Variants in PKD2L1 observed in about 807,000 individuals in gnomAD.
The protein encoded by PKD2L1 is polycystin 2 like 1, transient receptor potential cation channel, also known as polycystin-2-like protein 1.
PKD2L1 carries 77 observed loss-of-function variants against 93.0 expected under a neutral mutation model. The ratio of observed to expected loss-of-function variants is 0.83; its 90% CI spans 0.69 to 1.00. The LOEUF (loss-of-function observed/expected upper bound fraction) is 1.00, where lower values mean the gene tolerates loss of function less well. PKD2L1 is among the 50% of genes least tolerant of loss of function. The pLI, the probability that PKD2L1 is intolerant of heterozygous loss-of-function variation, is 0.00. For synonymous variants in PKD2L1, 390 were observed against 388.0 expected (o/e 1.01, Z -0.06); for missense variants, 977 against 990.9 (o/e 0.99, Z 0.19).
chr10:100,295,022 A>G lies in PKD2L1; in HGVS notation c.1458T>C (p.Ile486=), dbSNP rs1848493575. ...CGAGTTGGGCATAGGCGAAGAAAAC[A>G]ATGAAGAACATGACGGCGAAGCCCA... ...DILGFAVMFF[I]VFFAYAQLGY... Residue 486 remains isoleucine, a synonymous_variant, in exon 8 of 16, where the codon ATT becomes ATC. Transcript: ENST00000318222. 2 of 1,614,190 alleles carry G rather than the reference A, an allele frequency of 1.2e-6. No individual in the cohort carries two copies. The highest frequency in any genetic ancestry group is 1.7e-6 in the Non-Finnish European group (2 of 1,180,020).
rs1002653074 is a variant in PKD2L1 at position 100,329,929 on chromosome 10, C to T, written c.175G>A (p.Glu59Lys). The change falls in exon 1 of 16, where the codon GAG becomes AAG. Residue 59 changes from glutamate to lysine, a missense_variant. Glu to Lys is a moderately conservative substitution (Grantham distance 56, BLOSUM62 1). Coordinates refer to ENST00000318222, the MANE Select transcript of PKD2L1 (RefSeq NM_016112.3). ...QPKKPEDEPQ[E>K]TAYRTQVSSC... ...GACACCTGGGTCCTGTATGCCGTCT[C>T]CTGGGGTTCATCTTCAGGCTTCTTG... The T allele has an allele frequency of 1.2e-6, 2 of 1,613,896 alleles. No homozygotes were observed. Among genetic ancestry groups the T allele is most frequent in the African/African-American group, 2.7e-5 (2 of 74,904 alleles).
rs959719132 is a variant in PKD2L1, at chr10:100,299,772, A to C, written c.350-54T>G. The C allele has an allele frequency of 9.6e-6, 15 of 1,558,876 alleles. No homozygotes were observed. In the Admixed American group the frequency reaches 2.5e-4, roughly 26 times the overall value. ...TTCTCACTGTTCCCCCAGAGGAGACAGGAAAGCCTATTGCCCTGGAGTCAG... is the reference window on the plus strand; with the variant it reads ...TTCTCACTGTTCCCCCAGAGGAGACCGGAAAGCCTATTGCCCTGGAGTCAG... On this transcript the variant is annotated intron_variant, in intron 2 of 15. Coordinates refer to ENST00000318222, the MANE Select transcript of PKD2L1 (RefSeq NM_016112.3).
intron 2 of PKD2L1, among the ~76,000 whole-genome samples, chr10:100,325,799 A>G (rs998522657): frequency 5.3e-5 from 8 of 152,208 alleles, no homozygotes; most frequent in Non-Finnish European, 1.0e-4. Context: ...GGCACTATTT[A>G]CCATGTGCCA....
chr10:100,329,687 G>A lies in PKD2L1; in HGVS notation c.235+182C>T, dbSNP rs146671650. 2.0e-3 allele frequency among the ~76,000 whole-genome samples: 303 copies of A among 152,236 alleles called. 3 individuals carry two copies. The highest frequency in any genetic ancestry group is 7.1e-3 in the African/African-American group (296 of 41,542). ...GCCAGGCTCCCACAACCGGTAGACC[G>A]CTCAGCTGGCCTCTGTGTTCTGGGT... On this transcript the variant is annotated intron_variant, in intron 1 of 15. Coordinates refer to ENST00000318222, the MANE Select transcript of PKD2L1 (RefSeq NM_016112.3).
intron 2 of PKD2L1, among the ~76,000 whole-genome samples, chr10:100,325,851 A>C (rs188591426): frequency 6.6e-6 from 1 of 152,312 alleles, no homozygotes; most frequent in East Asian, 1.9e-4. Flanking sequence ...TATTTTATTT[A>C]ACCTGCTTAA....
intron 2 of PKD2L1, among the ~76,000 whole-genome samples, chr10:100,319,213 C>A (rs963941526): frequency 1.1e-4 from 16 of 152,180 alleles, no homozygotes; most frequent in African/African-American, 3.9e-4. Flanking sequence ...TTATTGAAAG[C>A]CTATTATACT....
At chr10:100,294,280 C>T (rs557029854) in intron 9 of PKD2L1, among the ~76,000 whole-genome samples, 27 of 152,186 alleles carry the variant, frequency 1.8e-4, no homozygotes, top group Non-Finnish European at 1.6e-4. Flanking sequence ...CTTTTCTCCC[C>T]ATTTCCATCC....
At chr10:100,300,098 C>T (rs540421124) in intron 2 of PKD2L1, among the ~76,000 whole-genome samples, 7 of 152,344 alleles carry the variant, frequency 4.6e-5, no homozygotes, top group Admixed American at 1.3e-4. Context: ...TTGTCTGCTT[C>T]CAAAAGGTAG....
chr10:100,312,781 A>G (rs1848963044), intron 2 of PKD2L1, among the ~76,000 whole-genome samples: 1 of 151,942 alleles, frequency 6.6e-6, no homozygotes, highest in Non-Finnish European at 1.5e-5. Flanking sequence ...TTGCATAAAG[A>G]GTTTACGAAG....
intron 2 of PKD2L1, among the ~76,000 whole-genome samples, chr10:100,303,191 G>GTTTTTTTTTTTTTTTTTTT (rs146131470): frequency 7.8e-6 from 1 of 128,984 alleles, no homozygotes. Flanking sequence ...ACATCAAACT[G>GTTTTTTTTTTTTTTTTTTT]TTTTTTTGTT....
At chr10:100,300,194 T>G (rs1399958906) in intron 2 of PKD2L1, among the ~76,000 whole-genome samples, 1 of 152,192 alleles carries the variant, frequency 6.6e-6, no homozygotes, top group Non-Finnish European at 1.5e-5. Flanking sequence ...AATAGAGATG[T>G]GGTCTCATGG....
chr10:100,327,880 C>T (rs1354894254), intron 2 of PKD2L1, among the ~76,000 whole-genome samples: 1 of 152,166 alleles, frequency 6.6e-6, no homozygotes, highest in Non-Finnish European at 1.5e-5. Context: ...TAGAGCACAG[C>T]CAGAACAAAG....
chr10:100,327,001 C>T (rs1849394315), intron 2 of PKD2L1, among the ~76,000 whole-genome samples: 1 of 152,182 alleles, frequency 6.6e-6, no homozygotes, highest in Non-Finnish European at 1.5e-5. Flanking sequence ...AAGGTTGTCA[C>T]TTCAGAGAGT....
In PKD2L1 at chr10:100,297,417, G is replaced by C; in HGVS notation, c.921C>G (p.Val307=). ...AGAAAAGATTGATATTGGCATTGTA[G>C]ACTGAGAAGTCGATGAACACCACTC... The part of the protein sequence containing the change: ...GTRVVFIDFS[V]YNANINLFCV... The change falls in exon 5 of 16, where the codon GTC becomes GTG. Residue 307 remains valine (V), a synonymous_variant. Transcript: ENST00000318222. 3 of 1,614,022 alleles carry C rather than the reference G, an allele frequency of 1.9e-6. No homozygotes were observed. Among genetic ancestry groups the C allele is most frequent in the Non-Finnish European group, 2.5e-6 (3 of 1,179,934 alleles).
At chr10:100,300,888 T>G (rs1848659621) in intron 2 of PKD2L1, among the ~76,000 whole-genome samples, 1 of 151,982 alleles carries the variant, frequency 6.6e-6, no homozygotes, top group South Asian at 2.1e-4. Flanking sequence ...CAGGATGGAG[T>G]GCAATGGCAC....
At chr10:100,317,498 C>A (rs1413970736) in intron 2 of PKD2L1, among the ~76,000 whole-genome samples, 1 of 152,132 alleles carries the variant, frequency 6.6e-6, no homozygotes, top group African/African-American at 2.4e-5. Context: ...CTGATCACAG[C>A]ACTGTACTCA....
At chr10:100,299,472 G>T in intron 3 of PKD2L1, 119 bp downstream of exon 3, 1 of 913,808 alleles carries the variant, frequency 1.1e-6, no homozygotes, top group Non-Finnish European at 1.7e-6. Context: ...CTGGCCCTTT[G>T]ACTCAGTCTG....
chr10:100,295,518 G>A (rs2134380347), intron 7 of PKD2L1, among the ~76,000 whole-genome samples: 1 of 151,000 alleles, frequency 6.6e-6, no homozygotes, highest in African/African-American at 2.4e-5. Context: ...GATGGCTCAA[G>A]GTCAGGAGTT....
intron 2 of PKD2L1, among the ~76,000 whole-genome samples, chr10:100,327,420 C>G (rs1196208816): frequency 6.6e-6 from 1 of 152,210 alleles, no homozygotes; most frequent in Admixed American, 6.5e-5. Flanking sequence ...GCACTGAGAT[C>G]TTAGAAAGCA....
Sources: gnomAD v4.1 joint callset for allele counts (sites outside exome capture counted in the v4.1 genomes callset) on GRCh38, gnomAD v4.1.1 for gene constraint, MANE v1.5 for transcripts, NCBI Gene and HGNC (gene_info 2026-07-23, HGNC 2026-07-21) for gene names.